The following C2 variants were observed in gnomAD, a reference collection of about 807,000 sequenced individuals.
The protein encoded by C2 is complement C2.
In C2, 64 loss-of-function variants were observed where a neutral mutation model predicts 85.2. That is an observed-to-expected ratio of 0.75 (90% CI 0.61 to 0.92). The LOEUF is 0.92. Ranked by LOEUF, C2 falls within the 40% of genes least tolerant of loss-of-function variation. The pLI, the probability that C2 is intolerant of heterozygous loss-of-function variation, is 0.00. For missense variants in C2, 820 were observed against 971.6 expected, an observed-to-expected ratio of 0.84 and a Z score of 2.07; for synonymous variants, 311 against 370.8, an observed-to-expected ratio of 0.84 and a Z score of 1.85.
At chr6:31,906,476 C>T (rs1013837656) in intron 1 of C2, among the ~76,000 whole-genome samples, 4 of 151,928 alleles carry the variant, frequency 2.6e-5, no homozygotes, top group African/African-American at 4.8e-5. Flanking sequence ...CCTTTGCCAT[C>T]GTCCAAGTCC....
upstream of C2, among the ~76,000 whole-genome samples, chr6:31,916,147 C>T (rs1768487824): frequency 6.6e-6 from 1 of 152,130 alleles, no homozygotes; most frequent in Non-Finnish European, 1.5e-5. Flanking sequence ...ATTTTGGTGA[C>T]CCTGACAGCA....
chr6:31,928,981 A>G (rs549098032), intron 3 of C2, 64 bp downstream of exon 3: 8 of 1,449,586 alleles, frequency 5.5e-6, no homozygotes, highest in African/African-American at 2.8e-5. Context: ...CTGGGGCCCA[A>G]TGTGCATCCA....
upstream of C2, among the ~76,000 whole-genome samples, chr6:31,925,132 A>C (rs1424235880): frequency 6.6e-6 from 1 of 152,198 alleles, no homozygotes; most frequent in African/African-American, 2.4e-5. Context: ...TCAGCAGAAG[A>C]ACCTTCTGGC....
At chr6:31,905,158 G>A (rs1047653171) in intron 1 of C2, among the ~76,000 whole-genome samples, 1 of 152,052 alleles carries the variant, frequency 6.6e-6, no homozygotes, top group African/African-American at 2.4e-5. Context: ...TTTGGGTCAG[G>A]CTCAATGGTT....
chr6:31,917,531 A>G (rs1289339122), upstream of C2, among the ~76,000 whole-genome samples: 1 of 152,182 alleles, frequency 6.6e-6, no homozygotes, highest in Non-Finnish European at 1.5e-5. Flanking sequence ...AATTGGTTCT[A>G]TGACTACCTA....
rs996799187 is a variant in C2 at position 31,933,855 on chromosome 6, C to T, written c.617-12C>T. 1.2e-6 allele frequency: 2 copies of T among 1,612,650 alleles called. No individual in the cohort carries two copies. The highest frequency in any genetic ancestry group is 1.7e-6 in the Non-Finnish European group (2 of 1,178,904). On this transcript the variant is annotated splice_polypyrimidine_tract_variant and intron_variant, in intron 4 of 17. Transcript: ENST00000299367. ...ACTGCCCCGGCTGACTCCTGTGTGG[C>T]TCTCCCCACAGAACCCTACTCTTAT...
chr6:31,913,654 CTT>C (rs879899319), intron 1 of C2, among the ~76,000 whole-genome samples: 1 of 149,252 alleles, frequency 6.7e-6, no homozygotes, highest in Non-Finnish European at 1.5e-5. Context: ...GGAGTTTACT[CTT>C]TTTTTTTTGA....
At position 31,944,026 on chromosome 6, in the gene C2, G is replaced by A; in HGVS notation, c.1810+33G>A. Reference sequence around the variant, plus strand: ...CTGGGACTTATGGTGCTTGAGAGCTGGGGCCGGGGTTTGGGGGTGATAACA... The same window carrying A: ...CTGGGACTTATGGTGCTTGAGAGCTAGGGCCGGGGTTTGGGGGTGATAACA... On this transcript the variant is annotated intron_variant, in intron 14 of 17. Transcript: ENST00000299367. This position sits in a 1 kb window ranked among gnomAD's most constrained non-coding sequence, Gnocchi z 5.1. The A allele has an allele frequency of 6.2e-7, 1 of 1,608,730 alleles. No homozygotes were observed. Among genetic ancestry groups the A allele is most frequent in the Non-Finnish European group, 8.5e-7 (1 of 1,176,108 alleles).
Position 31,944,069 on chromosome 6 carries a change from C to T in C2, c.1811-66C>T. 6.3e-7 allele frequency: 1 copy of T among 1,592,030 alleles called. No homozygotes were observed. The highest frequency in any genetic ancestry group is 8.6e-7 in the Non-Finnish European group (1 of 1,160,918). On this transcript the variant is annotated intron_variant, in intron 14 of 17. Coordinates refer to ENST00000299367, the MANE Select transcript of C2 (RefSeq NM_000063.6). The surrounding 1 kb of genome is among the most constrained non-coding windows in gnomAD (Gnocchi z 5.1). ...TGATAACAAGGACTAGGCTGCAGTC[C>T]CCAAGCCAGGAACCTGGATTCTGGG...
At chr6:31,934,723 T>C in intron 6 of C2, 1 of 1,147,604 alleles carries the variant, frequency 8.7e-7, no homozygotes, top group Non-Finnish European at 1.1e-6. Flanking sequence ...AAAATGTGTG[T>C]GATAGACTGG....
chr6:31,919,081 A>G (rs1378461678), upstream of C2, among the ~76,000 whole-genome samples: 1 of 151,860 alleles, frequency 6.6e-6, no homozygotes, highest in Non-Finnish European at 1.5e-5. Flanking sequence ...ATCTGCAGAG[A>G]GATTGTATCA....
chr6:31,928,824 T>C lies in C2; in HGVS notation c.349T>C (p.Cys117Arg), dbSNP rs1040857511. Residue 117 changes from cysteine to arginine, a missense_variant, in exon 3 of 18, where the codon TGT becomes CGT. By Grantham distance (180) the Cys-to-Arg change is radical (BLOSUM62 -3). Transcript: ENST00000299367. ...YPVGGNVSFECEDGFILRGSP... is the reference protein window; with the variant it reads ...YPVGGNVSFEREDGFILRGSP... ...CGTGGGTGGCAATGTGAGCTTCGAG[T>C]GTGAGGATGGCTTCATATTGCGGGG... is the stretch of plus-strand genomic sequence containing the variant. 25 of 1,613,898 alleles carry C rather than the reference T, an allele frequency of 1.5e-5. No homozygotes were observed. The highest frequency in any genetic ancestry group is 1.9e-5 in the Non-Finnish European group (22 of 1,179,998).
intron 1 of C2, among the ~76,000 whole-genome samples, chr6:31,907,552 C>T (rs1156829618): frequency 7.2e-6 from 1 of 138,064 alleles, no homozygotes; most frequent in African/African-American, 2.8e-5. Context: ...TGCTGCACTC[C>T]AGCTTGGGTG....
At chr6:31,942,874 A>G in intron 9 of C2, 85 bp from the exon 10 acceptor site, 1 of 1,564,148 alleles carries the variant, frequency 6.4e-7, no homozygotes, top group South Asian at 1.1e-5. Context: ...TTGATTGGAC[A>G]CAGTGAGTTT....
chr6:31,910,440 C>T (rs1258424754), intron 1 of C2, among the ~76,000 whole-genome samples: 1 of 150,848 alleles, frequency 6.6e-6, no homozygotes, highest in Non-Finnish European at 1.5e-5. Flanking sequence ...GTGATCCTCC[C>T]ACCTCAGCCT....
intron 8 of C2, among the ~76,000 whole-genome samples, chr6:31,938,219 G>A (rs1770578991): frequency 6.6e-6 from 1 of 152,016 alleles, no homozygotes; most frequent in South Asian, 2.1e-4. Flanking sequence ...TGGCTCTTGA[G>A]CAGGAATGTC....
chr6:31,933,471 T>C, intron 3 of C2, 139 bp from the exon 4 acceptor site: 1 of 807,870 alleles, frequency 1.2e-6, no homozygotes, highest in Non-Finnish European at 2.0e-6. Context: ...CTTCCCTGGG[T>C]CTCTGGGGGC....
chr6:31,945,474 G>C lies in C2; in HGVS notation c.*117G>C, dbSNP rs1771325728. On this transcript the variant is annotated 3_prime_UTR_variant, in exon 18 of 18. Transcript: ENST00000299367. The surrounding 1 kb of genome is among the most constrained non-coding windows in gnomAD (Gnocchi z 5.3). ...TCCTCTCTCCTAGCTGAGTAAATCC[G>C]GGTCTCTAGGATGCCAGAGGCAGCG... The C allele has an allele frequency of 9.8e-7, 1 of 1,023,164 alleles. No homozygotes were observed. Among genetic ancestry groups the C allele is most frequent in the Non-Finnish European group, 1.5e-6 (1 of 666,632 alleles). 63.4% of individuals were successfully genotyped at this position (1,023,164 alleles called of 1,614,324 possible).
chr6:31,919,850 G>A (rs1355448272), upstream of C2: 2 of 152,224 alleles, frequency 1.3e-5, no homozygotes, highest in African/African-American at 4.8e-5. Context: ...ATTAATGGAC[G>A]TGGGAGTTTC....
Sources: gnomAD v4.1 joint callset for allele counts (sites outside exome capture counted in the v4.1 genomes callset) on GRCh38, gnomAD v4.1.1 for gene constraint, Gnocchi (gnomAD v3.1) non-coding constraint, MANE v1.5 for transcripts, NCBI Gene and HGNC (gene_info 2026-07-23, HGNC 2026-07-21) for gene names.